SLC13A3: variants seen among roughly 807,000 people sequenced by gnomAD.
SLC13A3 encodes solute carrier family 13 member 3.
Under a neutral mutation model 59.0 loss-of-function variants are expected in SLC13A3, and 40 were observed. The ratio of observed to expected loss-of-function variants is 0.68; its 90% CI spans 0.53 to 0.88. The LOEUF is 0.88. Among genes scored for constraint, SLC13A3 ranks in the 40% least tolerant of loss-of-function variants. The pLI is 0.00. For missense variants in SLC13A3, 699 were observed against 783.2 expected (o/e 0.89, Z 1.28); for synonymous variants, 317 against 330.3 (o/e 0.96, Z 0.44).
chr20:46,602,619 G>C (rs2062390695), intron 3 of SLC13A3, among the ~76,000 whole-genome samples: 1 of 152,096 alleles, frequency 6.6e-6, no homozygotes, highest in Non-Finnish European at 1.5e-5. Flanking sequence ...AGAGATGTTG[G>C]GCAATGTCTG....
chr20:46,575,389 T>G (rs925640563), intron 10 of SLC13A3, among the ~76,000 whole-genome samples, 184 bp downstream of exon 10: 1 of 152,196 alleles, frequency 6.6e-6, no homozygotes, highest in African/African-American at 2.4e-5. Context: ...AACTCATTCC[T>G]CTCTTTCTCT....
upstream of SLC13A3, among the ~76,000 whole-genome samples, chr20:46,656,161 T>C (rs930385056): frequency 4.2e-5 from 6 of 144,052 alleles, no homozygotes; most frequent in Non-Finnish European, 9.1e-5. Context: ...TGTAATAGAC[T>C]GTACAGTCTG....
At chr20:46,575,522 C>T in intron 10 of SLC13A3, 51 bp downstream of exon 10, 1 of 1,157,572 alleles carries the variant, frequency 8.6e-7, no homozygotes, top group Non-Finnish European at 1.2e-6. Context: ...GGGACCCGCC[C>T]ACACCTGCCT....
intron 1 of SLC13A3, among the ~76,000 whole-genome samples, chr20:46,647,220 G>C (rs1168228882): frequency 6.6e-6 from 1 of 152,150 alleles, no homozygotes; most frequent in Admixed American, 6.5e-5. Context: ...CTCTGTAGCA[G>C]CCTTGCCGAG....
At chr20:46,584,245 G>A (rs2062169890) in intron 8 of SLC13A3, 1 of 985,422 alleles carries the variant, frequency 1.0e-6, no homozygotes, top group Non-Finnish European at 1.2e-6. Flanking sequence ...GAGAATCAGA[G>A]GGTCAAAGAG....
chr20:46,568,609 G>A (rs752144457), intron 10 of SLC13A3, among the ~76,000 whole-genome samples: 14 of 152,140 alleles, frequency 9.2e-5, no homozygotes, highest in East Asian at 1.9e-4. Context: ...TGGGGAATAC[G>A]GTAAGTGGCA....
intron 7 of SLC13A3, 72 bp downstream of exon 7, chr20:46,589,088 G>T: frequency 1.4e-6 from 2 of 1,383,342 alleles, no homozygotes; most frequent in South Asian, 1.3e-5. Flanking sequence ...TGGGCCCAAG[G>T]CCAGGCCAGG....
In SLC13A3 at chr20:46,613,733, A is replaced by T. The variant is rs1322740146; in HGVS notation, c.112-8T>A. 4 of 1,585,452 alleles carry T rather than the reference A, an allele frequency of 2.5e-6. No individual in the cohort carries two copies. The highest frequency in any genetic ancestry group is 3.4e-6 in the Non-Finnish European group (4 of 1,164,586). ...AAACAAGCAGCGGCCTTCCTGCAGG[A>T]GGAGATGCATGCTCAGAGGGTCAGC... is the stretch of plus-strand genomic sequence containing the variant. On this transcript the variant is annotated splice_region_variant and splice_polypyrimidine_tract_variant and intron_variant, in intron 1 of 12. Transcript: ENST00000279027.
intron 3 of SLC13A3, among the ~76,000 whole-genome samples, chr20:46,602,575 C>T (rs369528819): frequency 3.9e-5 from 6 of 152,020 alleles, no homozygotes; most frequent in Non-Finnish European, 7.4e-5. Flanking sequence ...GACTTTAGGT[C>T]AGTAGTTCCC....
At chr20:46,585,589 T>C in intron 8 of SLC13A3, 2 of 1,152,766 alleles carry the variant, frequency 1.7e-6, no homozygotes, top group Non-Finnish European at 2.2e-6. Context: ...GACAAATGTA[T>C]GCAGTCCGAT....
chr20:46,575,681 G>T lies in SLC13A3; in HGVS notation c.1224C>A (p.Pro408=). ...SLKWWFDFKA[P]NTETEPLLTW... ...TCAGCAAGGGCTCTGTCTCTGTGTT[G>T]GGAGCTGGGCAGAGAGAGGGATTCA... Residue 408 remains proline, a synonymous_variant, in exon 10 of 13, where the codon CCC becomes CCA. Transcript: ENST00000279027. 1 of 1,584,142 alleles carries T rather than the reference G, an allele frequency of 6.3e-7. No homozygotes were observed. The highest frequency in any genetic ancestry group is 1.8e-5 in the Admixed American group (1 of 56,586).
intron 9 of SLC13A3, among the ~76,000 whole-genome samples, chr20:46,575,886 A>G (rs1372233516): frequency 6.6e-6 from 1 of 152,168 alleles, no homozygotes; most frequent in African/African-American, 2.4e-5. Flanking sequence ...CAGTGAAAAT[A>G]ATTGTCATGG....
upstream of SLC13A3, among the ~76,000 whole-genome samples, chr20:46,670,777 G>A (rs548206600): frequency 3.9e-5 from 6 of 152,186 alleles, no homozygotes; most frequent in South Asian, 6.2e-4. Flanking sequence ...ACAAAATAAT[G>A]TTGTTGCAAC....
At chr20:46,569,740 G>A (rs2062013673) in intron 10 of SLC13A3, among the ~76,000 whole-genome samples, 1 of 152,212 alleles carries the variant, frequency 6.6e-6, no homozygotes, top group Admixed American at 6.5e-5. Context: ...CCTTGAAGAT[G>A]ACCAGAAGTA....
intron 1 of SLC13A3, among the ~76,000 whole-genome samples, chr20:46,660,824 T>C (rs1351985062): frequency 2.6e-5 from 4 of 152,182 alleles, no homozygotes; most frequent in Non-Finnish European, 5.9e-5. Flanking sequence ...TTGTTCTTTA[T>C]TTTTTTCACT....
chr20:46,585,092 T>C (rs2062177951), intron 8 of SLC13A3: 1 of 934,810 alleles, frequency 1.1e-6, no homozygotes, highest in African/African-American at 1.8e-5. Context: ...TGTAGAGTAC[T>C]ATGCAGTGTT....
At chr20:46,680,598 C>T (rs924429216) in intron 1 of SLC13A3, among the ~76,000 whole-genome samples, 3 of 152,228 alleles carry the variant, frequency 2.0e-5, no homozygotes, top group African/African-American at 7.2e-5. Context: ...AGGCGTGACA[C>T]CCCCAACGAC....
chr20:46,591,660 A>G (rs781222497), intron 6 of SLC13A3, among the ~76,000 whole-genome samples: 13 of 152,194 alleles, frequency 8.5e-5, no homozygotes, highest in Non-Finnish European at 1.8e-4. Context: ...GAGAGTTGAT[A>G]AAGACATATT....
At chr20:46,577,623 G>A (rs558281214) in intron 9 of SLC13A3, among the ~76,000 whole-genome samples, 1 of 152,286 alleles carries the variant, frequency 6.6e-6, no homozygotes, top group Admixed American at 6.5e-5. Flanking sequence ...CATGCCAAGT[G>A]CTCAGTTAAT....
Sources: gnomAD v4.1 joint callset for allele counts (sites outside exome capture counted in the v4.1 genomes callset) on GRCh38, gnomAD v4.1.1 for gene constraint, MANE v1.5 for transcripts, NCBI Gene and HGNC (gene_info 2026-07-23, HGNC 2026-07-21) for gene names.